The following PCBP3 variants were observed in gnomAD, a reference collection of about 807,000 sequenced individuals.
PCBP3 encodes the protein poly(rC)-binding protein 3.
In PCBP3, 25 loss-of-function variants were observed where a neutral mutation model predicts 52.7. The observed-to-expected ratio is 0.47, with a 90% CI of 0.35 to 0.66. The LOEUF (loss-of-function observed/expected upper bound fraction) is 0.66, where lower values mean the gene tolerates loss of function less well. Among genes scored for constraint, PCBP3 ranks in the 30% least tolerant of loss-of-function variants. PCBP3 has a pLI of 0.01. For missense variants in PCBP3, 391 were observed against 490.3 expected (o/e 0.80, Z 1.91); for synonymous variants, 162 against 183.0 (o/e 0.89, Z 0.93).
At chr21:45,716,713 G>A (rs2084249944) in intron 2 of PCBP3, among the ~76,000 whole-genome samples, 1 of 152,144 alleles carries the variant, frequency 6.6e-6, no homozygotes, top group Non-Finnish European at 1.5e-5. Context: ...GTTTTGTGGG[G>A]ATACAGTTCA....
At chr21:45,777,217 C>T (rs754312019) in intron 4 of PCBP3, among the ~76,000 whole-genome samples, 4 of 151,590 alleles carry the variant, frequency 2.6e-5, no homozygotes, top group Admixed American at 1.3e-4. Flanking sequence ...TTGTTTTTTT[C>T]CCCCATTACT....
In PCBP3 at chr21:45,827,542, C is replaced by A. The variant is rs1379876019; in HGVS notation, c.-125-22419C>A. Among the ~76,000 whole-genome samples the A allele has an allele frequency of 2.6e-5, 4 of 152,170 alleles. No individual in the cohort carries two copies. Among genetic ancestry groups the A allele is most frequent in the Non-Finnish European group, 4.4e-5 (3 of 68,048 alleles). ...TCAGTGAGCCGTCACCAGCTCTACA[C>A]AGTGAGGAAGTGGAAAGTCTCAGCC... On this transcript the variant is annotated intron_variant, in intron 4 of 17. Transcript: ENST00000681687. This position sits in a 1 kb window ranked among gnomAD's most constrained non-coding sequence, Gnocchi z 4.3.
chr21:45,869,906 A>G (rs1044879674), intron 5 of PCBP3, among the ~76,000 whole-genome samples: 1 of 152,244 alleles, frequency 6.6e-6, no homozygotes, highest in African/African-American at 2.4e-5. Flanking sequence ...CCTTCAAACC[A>G]GTGGTGCCTG....
At position 45,759,596 on chromosome 21, in the gene PCBP3, C is replaced by G. The variant is rs1259979832; in HGVS notation, c.-126+4144C>G. Reference sequence around the variant, plus strand: ...CACAGTAGACAGACAGAACACAGCCCAGAGGGACAAAGAGATATAAACTAT... The same window carrying G: ...CACAGTAGACAGACAGAACACAGCCGAGAGGGACAAAGAGATATAAACTAT... On this transcript the variant is annotated intron_variant, in intron 4 of 17. Coordinates refer to ENST00000681687, the MANE Select transcript of PCBP3 (RefSeq NM_001384156.1). 3.9e-5 allele frequency among the ~76,000 whole-genome samples: 6 copies of G among 152,236 alleles called. No individual in the cohort carries two copies. In the East Asian group the frequency reaches 1.2e-3, roughly 29 times the overall value.
At chr21:45,919,813 A>AGG (rs1465549556) in intron 13 of PCBP3, among the ~76,000 whole-genome samples, 3 of 126,682 alleles carry the variant, frequency 2.4e-5, no homozygotes, top group African/African-American at 1.1e-4. Flanking sequence ...GCAGAAGCAG[A>AGG]GGTGTGTGTG....
intron 4 of PCBP3, among the ~76,000 whole-genome samples, chr21:45,845,193 G>C (rs1431700380): frequency 6.6e-6 from 1 of 152,200 alleles, no homozygotes; most frequent in African/African-American, 2.4e-5. Flanking sequence ...GCCACCAGAT[G>C]ATCTCTTACC....
chr21:45,775,147 T>G (rs1038546007), intron 4 of PCBP3, among the ~76,000 whole-genome samples: 2 of 152,192 alleles, frequency 1.3e-5, no homozygotes, highest in African/African-American at 4.8e-5. Flanking sequence ...ACCTGGACTT[T>G]TCTGTATTGG....
At chr21:45,681,718 T>C (rs2036688791) in intron 2 of PCBP3, among the ~76,000 whole-genome samples, 1 of 152,194 alleles carries the variant, frequency 6.6e-6, no homozygotes, top group Non-Finnish European at 1.5e-5. Context: ...TTATTTCTTT[T>C]GGTAATGTCT....
At chr21:45,858,616 G>A (rs1410739433) in intron 5 of PCBP3, 1 of 152,208 alleles carries the variant, frequency 6.6e-6, no homozygotes, top group Non-Finnish European at 1.5e-5. Context: ...GCATGACTCT[G>A]TTCCCAAACT....
intron 5 of PCBP3, among the ~76,000 whole-genome samples, chr21:45,884,526 C>T (rs2095474430): frequency 6.6e-6 from 1 of 152,026 alleles, no homozygotes; most frequent in East Asian, 1.9e-4. Context: ...ATGCAACATG[C>T]ATGCACATCT....
rs1413043166 is a variant in PCBP3 at position 45,741,587 on chromosome 21, G to A, written c.-162+6158G>A. On this transcript the variant is annotated intron_variant, in intron 3 of 17. Coordinates refer to ENST00000681687, the MANE Select transcript of PCBP3 (RefSeq NM_001384156.1). This position sits in a 1 kb window ranked among gnomAD's most constrained non-coding sequence, Gnocchi z 4.5. ...GGAAGGATTGTGATGTAGGGGGCAAGGGAGGGGTAGGGCCACTGCTTTTCA... is the reference window on the plus strand; with the variant it reads ...GGAAGGATTGTGATGTAGGGGGCAAAGGAGGGGTAGGGCCACTGCTTTTCA... Among the ~76,000 whole-genome samples, 2 of 152,168 alleles carry A rather than the reference G, an allele frequency of 1.3e-5. No individual in the cohort carries two copies. Among genetic ancestry groups the A allele is most frequent in the African/African-American group, 2.4e-5 (1 of 41,440 alleles).
In PCBP3 at chr21:45,656,191, T is replaced by C. The variant is rs1231481814; in HGVS notation, c.-279+12323T>C. Among the ~76,000 whole-genome samples the C allele has an allele frequency of 1.3e-5, 2 of 152,178 alleles. No individual in the cohort carries two copies. The highest frequency in any genetic ancestry group is 1.3e-4 in the Admixed American group (2 of 15,280). ...TCATTCTACTGTAAATACACATGCATGCATATGTTTATTGCAGCATTGTTC... is the reference window on the plus strand; with the variant it reads ...TCATTCTACTGTAAATACACATGCACGCATATGTTTATTGCAGCATTGTTC... On this transcript the variant is annotated intron_variant, in intron 1 of 17. Coordinates refer to ENST00000681687, the MANE Select transcript of PCBP3 (RefSeq NM_001384156.1). The surrounding 1 kb of genome is among the most constrained non-coding windows in gnomAD (Gnocchi z 4.3).
intron 4 of PCBP3, among the ~76,000 whole-genome samples, chr21:45,814,782 T>G (rs1405136273): frequency 8.3e-5 from 6 of 72,320 alleles, no homozygotes; most frequent in Admixed American, 2.9e-4. Context: ...TGGTGAGTGA[T>G]GAGTGGTGAG....
At position 45,821,992 on chromosome 21, in the gene PCBP3, T is replaced by C. The variant is rs909596696; in HGVS notation, c.-125-27969T>C. On this transcript the variant is annotated intron_variant, in intron 4 of 17. Coordinates refer to ENST00000681687, the MANE Select transcript of PCBP3 (RefSeq NM_001384156.1). This position sits in a 1 kb window ranked among gnomAD's most constrained non-coding sequence, Gnocchi z 4.4. ...AGCTATTTATCAGACCCCAAAATCA[T>C]GAGCCTTGAGAAATGATATTCCACA... Among the ~76,000 whole-genome samples the C allele has an allele frequency of 1.3e-5, 2 of 152,230 alleles. No homozygotes were observed. The highest frequency in any genetic ancestry group is 1.3e-4 in the Admixed American group (2 of 15,292).
chr21:45,700,075 T>A (rs542447858), intron 2 of PCBP3, among the ~76,000 whole-genome samples: 1 of 152,308 alleles, frequency 6.6e-6, no homozygotes, highest in Admixed American at 6.5e-5. Context: ...GTCAAGAAGC[T>A]GAGGGACAGG....
At chr21:45,730,595 C>T (rs1292848194) in intron 2 of PCBP3, among the ~76,000 whole-genome samples, 1 of 152,048 alleles carries the variant, frequency 6.6e-6, no homozygotes, top group African/African-American at 2.4e-5. Context: ...TACTGATCTT[C>T]TGTGTAGGTT....
chr21:45,707,582 G>A (rs188395162), intron 2 of PCBP3, among the ~76,000 whole-genome samples: 11 of 152,196 alleles, frequency 7.2e-5, no homozygotes, highest in Admixed American at 5.9e-4. Flanking sequence ...GATGTGAGGC[G>A]TGGGGATCTG....
At chr21:45,836,233 A>C (rs150760819) in intron 4 of PCBP3, 2 of 152,464 alleles carry the variant, frequency 1.3e-5, no homozygotes, top group East Asian at 3.9e-4. Context: ...CATCTGATTC[A>C]AACCCTCCCA....
At chr21:45,855,572 C>T (rs1032646129) in intron 5 of PCBP3, among the ~76,000 whole-genome samples, 2 of 152,216 alleles carry the variant, frequency 1.3e-5, no homozygotes, top group Non-Finnish European at 2.9e-5. Flanking sequence ...CCAACCAGGC[C>T]GGTTGCCTCC....
Sources: allele counts gnomAD v4.1 joint callset (sites outside exome capture counted in the v4.1 genomes callset), GRCh38; gene constraint gnomAD v4.1.1; non-coding constraint Gnocchi (gnomAD v3.1); transcripts MANE v1.5; gene names NCBI Gene and HGNC (gene_info 2026-07-23, HGNC 2026-07-21).